The following LPIN1 variants were observed in gnomAD, a reference collection of about 807,000 sequenced individuals.
LPIN1 encodes the protein phosphatidate phosphatase LPIN1.
In LPIN1, 71 loss-of-function variants were observed where a neutral mutation model predicts 107.5. That is an observed-to-expected ratio of 0.66 (90% CI 0.55 to 0.80). The LOEUF (loss-of-function observed/expected upper bound fraction) is 0.80, where lower values mean the gene tolerates loss of function less well. LPIN1 is among the 30% of genes least tolerant of loss of function. The probability of loss-of-function intolerance (pLI) is 0.00; values close to 1 mark genes in which losing one functional copy is unlikely to be tolerated. For synonymous variants in LPIN1, 445 were observed against 452.6 expected (o/e 0.98, Z 0.21); for missense variants, 1,043 against 1,160.6 (o/e 0.90, Z 1.47).
intron 6 of LPIN1, 99 bp from the exon 7 acceptor site, chr2:11,779,420 G>C: frequency 8.0e-7 from 1 of 1,254,208 alleles, no homozygotes. Context: ...CGACAGCTGG[G>C]GGTGCATTTT....
chr2:11,746,668 C>G lies in LPIN1; in HGVS notation c.-13C>G. The G allele has an allele frequency of 1.0e-6, 1 of 984,838 alleles. No individual in the cohort carries two copies. Among genetic ancestry groups the G allele is most frequent in the Non-Finnish European group, 1.2e-6 (1 of 829,544 alleles). 61.0% of individuals were successfully genotyped at this position (984,838 alleles called of 1,614,324 possible). A position where few individuals can be genotyped will look rare whatever the true frequency, so the allele number is the denominator to read the frequency against. On this transcript the variant is annotated 5_prime_UTR_variant, in exon 1 of 21. Coordinates refer to ENST00000674199, the MANE Select transcript of LPIN1 (RefSeq NM_001349206.2). Reference sequence around the variant, plus strand: ...ACAAAGGCGGCCACGCGCGGCGCCGCTCGGTGAGTAGCCGCCGCCTCCAGC... The same window carrying G: ...ACAAAGGCGGCCACGCGCGGCGCCGGTCGGTGAGTAGCCGCCGCCTCCAGC...
intron 1 of LPIN1, among the ~76,000 whole-genome samples, chr2:11,757,306 C>T (rs1334733046): frequency 6.6e-6 from 1 of 152,102 alleles, no homozygotes. Context: ...GCAGATATTC[C>T]CCTCACTGCT....
intron 2 of LPIN1, among the ~76,000 whole-genome samples, chr2:11,717,287 C>T (rs1442510360): frequency 6.6e-6 from 1 of 152,164 alleles, no homozygotes; most frequent in South Asian, 2.1e-4. Flanking sequence ...GCTGATTCTA[C>T]AGAGCATCAA....
At chr2:11,772,262 CAG>C (rs895275503) in intron 4 of LPIN1, among the ~76,000 whole-genome samples, 1 of 152,330 alleles carries the variant, frequency 6.6e-6, no homozygotes, top group African/African-American at 2.4e-5. Context: ...CAGTTTCTAA[CAG>C]GGGCATGGAC....
chr2:11,721,055 C>A (rs1007511592), upstream of LPIN1, among the ~76,000 whole-genome samples: 2 of 152,030 alleles, frequency 1.3e-5, no homozygotes, highest in African/African-American at 4.8e-5. Flanking sequence ...CTTAGAACTC[C>A]CTCCAATTGG....
intron 1 of LPIN1, among the ~76,000 whole-genome samples, chr2:11,711,110 C>T (rs1663386597): frequency 6.6e-6 from 1 of 152,170 alleles, no homozygotes; most frequent in Non-Finnish European, 1.5e-5. Context: ...TGGCAGCCTT[C>T]CTAGCCTACC....
intron 1 of LPIN1, among the ~76,000 whole-genome samples, chr2:11,731,123 C>T (rs1665148787): frequency 6.6e-6 from 1 of 152,152 alleles, no homozygotes; most frequent in Non-Finnish European, 1.5e-5. Context: ...AGGTTTTTTA[C>T]ATAGGTATAC....
At chr2:11,744,207 C>T (rs139629972), upstream of LPIN1, among the ~76,000 whole-genome samples, 3 of 152,208 alleles carry the variant, frequency 2.0e-5, no homozygotes, top group South Asian at 2.1e-4. Context: ...TCTCCTCTTC[C>T]GAGTGCAGCT....
chr2:11,787,232 T>C, intron 11 of LPIN1, 65 bp downstream of exon 11: 1 of 1,061,776 alleles, frequency 9.4e-7, no homozygotes, highest in African/African-American at 1.6e-5. Context: ...TGTTTTCAAA[T>C]AGACCTAGAC....
chr2:11,759,133 TTTTCTTTCTTTC>T (rs201897285), intron 1 of LPIN1, among the ~76,000 whole-genome samples: 4,422 of 131,588 alleles, frequency 0.034, 68 homozygotes, highest in Middle Eastern at 0.044. Flanking sequence ...GCTTTCTTTC[TTTTCTTTCTTTC>T]TTTCTTTCTT....
At chr2:11,804,317 C>G in intron 15 of LPIN1, 106 bp from the exon 16 acceptor site, 1 of 1,267,048 alleles carries the variant, frequency 7.9e-7, no homozygotes, top group Non-Finnish European at 1.1e-6. Context: ...AGGGCAGTCA[C>G]TTGTTTTTAA....
intron 1 of LPIN1, among the ~76,000 whole-genome samples, chr2:11,692,604 C>T (rs11675793): frequency 4.7e-4 from 71 of 152,338 alleles, no homozygotes; most frequent in Admixed American, 3.7e-3. Flanking sequence ...ATAAGGAGCA[C>T]GATACGTGCC....
rs1265486776 is a variant in LPIN1, at chr2:11,741,336, C to T, written c.-71-13C>T. Reference sequence around the variant, plus strand: ...AAAAAGAACATTTTGTGAATGATGTCGTGTGTCCACAGGTAACTCTGAAGC... The same window carrying T: ...AAAAAGAACATTTTGTGAATGATGTTGTGTGTCCACAGGTAACTCTGAAGC... On this transcript the variant is annotated splice_polypyrimidine_tract_variant and intron_variant, in intron 1 of 21. Transcript: ENST00000396097. 13 of 1,519,952 alleles carry T rather than the reference C, an allele frequency of 8.6e-6. No individual in the cohort carries two copies. The East Asian group carries it at 9.8e-5, about 11-fold the overall frequency. The allele number at this position is 1,519,952 out of a possible 1,614,324, so 94.2% of individuals were successfully genotyped here. A position where few individuals can be genotyped will look rare whatever the true frequency, so the allele number is the denominator to read the frequency against.
At position 11,824,656 on chromosome 2, in the gene LPIN1, C is replaced by T. The variant is rs748633390; in HGVS notation, c.2646C>T (p.Val882=). Residue 882 remains valine (V), a synonymous_variant, in exon 21 of 21, where the codon GTC becomes GTT. Transcript: ENST00000674199. ...GGTATGTGAGACTCTGTGAAGTAGT[C>T]GACCACGTTTTCCCGTTGCTGAAAA... The part of the protein sequence containing the change: ...ISSYVRLCEV[V]DHVFPLLKRS... 1.6e-5 allele frequency: 26 copies of T among 1,614,000 alleles called. No homozygotes were observed. Among genetic ancestry groups the T allele is most frequent in the Middle Eastern group, 1.6e-4 (1 of 6,062 alleles).
chr2:11,748,950 C>A lies in LPIN1; in HGVS notation c.-10+2279C>A, dbSNP rs1489482507. 2.6e-5 allele frequency among the ~76,000 whole-genome samples: 4 copies of A among 152,248 alleles called. No homozygotes were observed. In the East Asian group the frequency reaches 7.7e-4, roughly 29 times the overall value. On this transcript the variant is annotated intron_variant, in intron 1 of 20. Coordinates refer to ENST00000674199, the MANE Select transcript of LPIN1 (RefSeq NM_001349206.2). ...TGCACTTGCACTTCCTCACTGGTAG[C>A]CCGGGCGTGGGATCTTGGAGCTTTT...
rs1307992213 is a variant in LPIN1, at chr2:11,815,208, G to A, written c.2370G>A (p.Leu790=). The change falls in exon 18 of 21, where the codon CTG becomes CTA. Residue 790 remains leucine (L), a synonymous_variant. Coordinates refer to ENST00000674199, the MANE Select transcript of LPIN1 (RefSeq NM_001349206.2). ...TGCTGCCCCAGGGGCCCCTGCTGCT[G>A]AGTCCCAGCAGCCTCTTCTCTGCCC... ...GTVLPQGPLL[L]SPSSLFSALH... The A allele has an allele frequency of 1.2e-6, 2 of 1,614,178 alleles. No homozygotes were observed. The highest frequency in any genetic ancestry group is 1.7e-6 in the Non-Finnish European group (2 of 1,180,016).
intron 1 of LPIN1, among the ~76,000 whole-genome samples, chr2:11,680,993 T>A (rs941608208): frequency 6.6e-6 from 1 of 152,212 alleles, no homozygotes; most frequent in African/African-American, 2.4e-5. Flanking sequence ...TCACAGGTGC[T>A]TGATAAATGG....
At position 11,785,190 on chromosome 2, in the gene LPIN1, T is replaced by TGATA. The variant is rs528452019; in HGVS notation, c.1549+116_1549+119dup. The TGATA allele has an allele frequency of 6.5e-6, 5 of 770,730 alleles. No homozygotes were observed. The South Asian group carries it at 9.5e-5, about 15-fold the overall frequency. The allele number at this position is 770,730 out of a possible 1,614,324, so 47.7% of individuals were successfully genotyped here. On this transcript the variant is annotated intron_variant, in intron 10 of 20. Transcript: ENST00000674199. Reference sequence around the variant, plus strand: ...CAGCTTTTCCCTTGGTTGCGGTTAATGATAGCACAGATGATAGCACCGAAC... The same window carrying TGATA: ...CAGCTTTTCCCTTGGTTGCGGTTAATGATAGATAGCACAGATGATAGCACCGAAC...
chr2:11,703,464 A>G (rs1572351614), intron 1 of LPIN1, among the ~76,000 whole-genome samples: 2 of 152,208 alleles, frequency 1.3e-5, no homozygotes, highest in Non-Finnish European at 2.9e-5. Context: ...ATAGACACAT[A>G]TACATGTGCA....
Sources: allele counts gnomAD v4.1 joint callset (sites outside exome capture counted in the v4.1 genomes callset), GRCh38; gene constraint gnomAD v4.1.1; transcripts MANE v1.5; gene names NCBI Gene and HGNC (gene_info 2026-07-23, HGNC 2026-07-21).